TRAP1: variants seen among roughly 807,000 people sequenced by gnomAD.
TRAP1 encodes TNF receptor associated protein 1.
A neutral mutation model predicts 89.1 loss-of-function variants in TRAP1; 102 were observed. That is an observed-to-expected ratio of 1.15 (90% CI 0.98 to 1.35). TRAP1 has a LOEUF of 1.35. TRAP1 is among the 40% of genes most tolerant of loss of function. The pLI is 0.00. For synonymous variants in TRAP1, 508 were observed against 388.0 expected (o/e 1.31, Z -3.64); for missense variants, 1,256 against 945.3 (o/e 1.33, Z -4.31).
intron 12 of TRAP1, chr16:3,664,666 G>C: frequency 1.8e-6 from 1 of 567,190 alleles, no homozygotes. Flanking sequence ...GGGGGCTTAG[G>C]AAGCACCTCC....
At chr16:3,672,864 C>T in intron 9 of TRAP1, 44 bp from the exon 10 acceptor site, 3 of 1,577,908 alleles carry the variant, frequency 1.9e-6, no homozygotes, top group Admixed American at 1.8e-5. Flanking sequence ...CTGACCCTCC[C>T]CAGGCAGGCC....
rs746171234 is a variant in TRAP1 at position 3,666,011 on chromosome 16, A to G, written c.1343T>C (p.Met448Thr). 6 of 1,614,072 alleles carry G rather than the reference A, an allele frequency of 3.7e-6. No homozygotes were observed. In the East Asian group the frequency reaches 1.1e-4, roughly 30 times the overall value. The change falls in exon 12 of 18, where the codon ATG (methionine) becomes ACG (threonine). Residue 448 changes from methionine (M) to threonine (T), a missense_variant. Coordinates refer to ENST00000246957, the MANE Select transcript of TRAP1 (RefSeq NM_016292.3). ...GGTGGCGGTCACAATGCCCTCCCGCATGAACAGGCCGTAATCTTCAAAAAA... is the reference window on the plus strand; with the variant it reads ...GGTGGCGGTCACAATGCCCTCCCGCGTGAACAGGCCGTAATCTTCAAAAAA... ...AKFFEDYGLF[M>T]REGIVTATEQ... is the part of the protein sequence containing the mutation.
chr16:3,663,016 C>CATGGAAGCCGGGGAGTT, intron 14 of TRAP1, 49 bp from the exon 15 acceptor site: 1 of 1,476,062 alleles, frequency 6.8e-7, no homozygotes, highest in Non-Finnish European at 9.2e-7. Flanking sequence ...CCCAACTCCC[C>CATGGAAGCCGGGGAGTT]GGCTTCCATG....
chr16:3,693,812 G>C (rs1011327275), intron 1 of TRAP1, among the ~76,000 whole-genome samples: 1 of 152,032 alleles, frequency 6.6e-6, no homozygotes, highest in African/African-American at 2.4e-5. Context: ...GGGCAAGAAA[G>C]TGAGACTCCA....
In TRAP1 at chr16:3,690,987, T is replaced by C; in HGVS notation, c.89-2A>G. Reference sequence around the variant, plus strand: ...TCCGAGGACACAGAATTGGTTTTCCTGAAAAGACAAATATGCAGAAAGAAT... The same window carrying C: ...TCCGAGGACACAGAATTGGTTTTCCCGAAAAGACAAATATGCAGAAAGAAT... On this transcript the variant is annotated splice_acceptor_variant, in intron 1 of 17. Transcript: ENST00000246957. LOFTEE classifies it high-confidence loss of function. The C allele has an allele frequency of 1.3e-6, 2 of 1,488,148 alleles. No individual in the cohort carries two copies. The highest frequency in any genetic ancestry group is 1.8e-6 in the Non-Finnish European group (2 of 1,115,348). The allele number at this position is 1,488,148 out of a possible 1,614,324, so 92.2% of individuals were successfully genotyped here.
intron 1 of TRAP1, among the ~76,000 whole-genome samples, chr16:3,691,952 G>A (rs796354984): frequency 6.6e-5 from 10 of 152,202 alleles, no homozygotes; most frequent in African/African-American, 1.9e-4. Context: ...CCAGCCGCAC[G>A]CAGTTCACCG....
intron 10 of TRAP1, 133 bp from the exon 11 acceptor site, chr16:3,671,924 C>T (rs1049729144): frequency 5.7e-5 from 52 of 917,192 alleles, no homozygotes; most frequent in Non-Finnish European, 6.4e-5. Context: ...AGCAGGGAGG[C>T]GGCACTGCCG....
Position 3,658,983 on chromosome 16 carries a change from T to A in TRAP1, c.1941-118A>T, listed in dbSNP as rs896981073. ...CACAGTAAGACTGTCTGTAGTTTTTTAAATAAGGTATGTTAATGATCATTT... is the reference window on the plus strand; with the variant it reads ...CACAGTAAGACTGTCTGTAGTTTTTAAAATAAGGTATGTTAATGATCATTT... On this transcript the variant is annotated intron_variant, in intron 16 of 17. Transcript: ENST00000246957. The A allele has an allele frequency of 6.1e-6, 6 of 980,014 alleles. No individual in the cohort carries two copies. In the African/African-American group the frequency reaches 8.1e-5, roughly 13 times the overall value. The allele number at this position is 980,014 out of a possible 1,614,324, so 60.7% of individuals were successfully genotyped here. A position where few individuals can be genotyped will look rare whatever the true frequency, so the allele number is the denominator to read the frequency against.
intron 16 of TRAP1, 49 bp downstream of exon 16, chr16:3,661,938 G>C (rs757319468): frequency 6.5e-7 from 1 of 1,539,746 alleles, no homozygotes; most frequent in Admixed American, 1.9e-5. Context: ...ACCACACACA[G>C]GATTCTGGGG....
intron 4 of TRAP1, among the ~76,000 whole-genome samples, chr16:3,681,991 G>A (rs67081976): frequency 0.19 from 28,237 of 152,144 alleles, 2,904 homozygotes; most frequent in South Asian, 0.3. Context: ...ACAGTGCGAT[G>A]TGGGCATTTA....
intron 11 of TRAP1, among the ~76,000 whole-genome samples, chr16:3,669,490 A>C (rs1420038537): frequency 6.6e-6 from 1 of 152,166 alleles, no homozygotes; most frequent in Non-Finnish European, 1.5e-5. Flanking sequence ...CTTCCGACCA[A>C]GTAACCCCAC....
intron 16 of TRAP1, chr16:3,660,460 A>C (rs2043007940): frequency 6.6e-6 from 1 of 152,074 alleles, no homozygotes; most frequent in Non-Finnish European, 1.5e-5. Context: ...GTGACAGAGC[A>C]AGACCCTGTC....
At chr16:3,677,452 T>C in intron 6 of TRAP1, 46 bp downstream of exon 6, 2 of 1,612,598 alleles carry the variant, frequency 1.2e-6, no homozygotes, top group South Asian at 1.1e-5. Flanking sequence ...TGCTAAGGGC[T>C]CCAGCTCAGC....
intron 1 of TRAP1, among the ~76,000 whole-genome samples, chr16:3,710,879 A>ATTTTTTTTTTTTTT (rs1181110685): frequency 7.9e-6 from 1 of 125,802 alleles, no homozygotes; most frequent in African/African-American, 3.3e-5. Flanking sequence ...ATATATATAT[A>ATTTTTTTTTTTTTT]TTTTTTTTTT....
At chr16:3,674,275 G>C (rs145272932) in intron 9 of TRAP1, 64 bp downstream of exon 9, 17,279 of 1,579,046 alleles carry the variant, frequency 0.011, 152 homozygotes, top group Middle Eastern at 0.027. Context: ...GACATCTGCA[G>C]AGCTGATGCC....
At chr16:3,707,159 T>TA (rs922555948) in intron 1 of TRAP1, among the ~76,000 whole-genome samples, 4 of 150,998 alleles carry the variant, frequency 2.6e-5, no homozygotes, top group African/African-American at 9.7e-5. Context: ...CTTGAGTTTT[T>TA]AAAAAAAATG....
intron 1 of TRAP1, among the ~76,000 whole-genome samples, chr16:3,694,453 C>T (rs1284216398): frequency 6.6e-6 from 1 of 152,012 alleles, no homozygotes; most frequent in African/African-American, 2.4e-5. Flanking sequence ...AGGCGATTCT[C>T]CTGCCTCAGC....
chr16:3,665,954 G>C lies in TRAP1; in HGVS notation c.1383+17C>G, dbSNP rs184150597. The C allele has an allele frequency of 2.2e-4, 359 of 1,604,462 alleles. No individual in the cohort carries two copies. The African/African-American group carries it at 4.2e-3, about 19-fold the overall frequency. On this transcript the variant is annotated intron_variant, in intron 12 of 17. Transcript: ENST00000246957. ...ACAAGGTGGCCCAGAAAAAGGCCTGGAACACAGCTCCTATACCTTGACCTC... is the reference window on the plus strand; with the variant it reads ...ACAAGGTGGCCCAGAAAAAGGCCTGCAACACAGCTCCTATACCTTGACCTC...
chr16:3,687,089 A>T (rs979281420), intron 3 of TRAP1: 2 of 152,132 alleles, frequency 1.3e-5, no homozygotes, highest in Admixed American at 1.3e-4. Flanking sequence ...TCCCCACGAA[A>T]ATCTCACCTT....
Sources: allele counts gnomAD v4.1 joint callset (sites outside exome capture counted in the v4.1 genomes callset), GRCh38; gene constraint gnomAD v4.1.1; transcripts MANE v1.5; gene names NCBI Gene and HGNC (gene_info 2026-07-23, HGNC 2026-07-21).